The following TENM2 variants were observed in gnomAD, a reference collection of about 807,000 sequenced individuals.
The protein encoded by TENM2 is teneurin-2.
TENM2 carries 52 observed loss-of-function variants against 245.2 expected under a neutral mutation model. That is an observed-to-expected ratio of 0.21 (90% CI 0.17 to 0.27). The LOEUF is 0.27. Ranked by LOEUF, TENM2 falls within the 10% of genes least tolerant of loss-of-function variation. The pLI, the probability that TENM2 is intolerant of heterozygous loss-of-function variation, is 1.00. For missense variants in TENM2, 3,046 were observed against 3,666.8 expected, an observed-to-expected ratio of 0.83 and a Z score of 4.37; for synonymous variants, 1,363 against 1,438.9, an observed-to-expected ratio of 0.95 and a Z score of 1.19.
chr5:167,995,729 G>A (rs945450632), intron 5 of TENM2, among the ~76,000 whole-genome samples: 5 of 152,194 alleles, frequency 3.3e-5, no homozygotes, highest in East Asian at 1.9e-4. Context: ...CAGAAGTATG[G>A]TGAGGATTAA....
chr5:167,364,760 G>T (rs1759939157), intron 1 of TENM2, among the ~76,000 whole-genome samples: 1 of 151,788 alleles, frequency 6.6e-6, no homozygotes, highest in South Asian at 2.1e-4. Context: ...TTATTCTAGG[G>T]ATATAAAAGT....
chr5:167,954,534 G>T (rs1780388505), intron 4 of TENM2, among the ~76,000 whole-genome samples: 1 of 152,144 alleles, frequency 6.6e-6, no homozygotes, highest in Non-Finnish European at 1.5e-5. Context: ...CGTTACATAG[G>T]TATAAACATG....
chr5:167,943,667 T>A (rs940093803), intron 3 of TENM2, among the ~76,000 whole-genome samples: 1 of 152,184 alleles, frequency 6.6e-6, no homozygotes, highest in African/African-American at 2.4e-5. Context: ...GGGAAAGTGA[T>A]AATGCTGCTC....
chr5:168,195,074 C>T (rs569068994), intron 14 of TENM2, 102 bp from the exon 17 acceptor site: 77 of 1,390,310 alleles, frequency 5.5e-5, no homozygotes, highest in Non-Finnish European at 7.4e-5. Flanking sequence ...AAGCCTTCTC[C>T]TTGCCTGAGG....
intron 1 of TENM2, among the ~76,000 whole-genome samples, chr5:167,298,785 T>A (rs766586602): frequency 1.7e-4 from 26 of 152,138 alleles, no homozygotes; most frequent in Non-Finnish European, 3.1e-4. Context: ...AGAGTGGCAG[T>A]TTGGGGATAG....
chr5:167,693,245 A>T (rs940133035), intron 2 of TENM2, among the ~76,000 whole-genome samples: 2 of 152,100 alleles, frequency 1.3e-5, no homozygotes, highest in Non-Finnish European at 2.9e-5. Context: ...ATCTCCAAAG[A>T]CTAAGAAATC....
Position 168,001,304 on chromosome 5 carries a change from C to T in TENM2, c.1186+8122C>T, listed in dbSNP as rs189847735. Among the ~76,000 whole-genome samples, 16 of 152,292 alleles carry T rather than the reference C, an allele frequency of 1.1e-4. 1 individual carries two copies. In the East Asian group the frequency reaches 2.9e-3, roughly 28 times the overall value. ...CCCTCTAGCAGGAATCTGTGATTCCCTGAAATCGAGAGAACTGACTGAGAG... is the reference window on the plus strand; with the variant it reads ...CCCTCTAGCAGGAATCTGTGATTCCTTGAAATCGAGAGAACTGACTGAGAG... On this transcript the variant is annotated intron_variant, in intron 5 of 28. Transcript: ENST00000518659.
At chr5:167,412,114 C>A (rs978014602) in intron 2 of TENM2, among the ~76,000 whole-genome samples, 2 of 152,120 alleles carry the variant, frequency 1.3e-5, no homozygotes, top group East Asian at 1.9e-4. Flanking sequence ...TTGCTTAACT[C>A]TAGCAGACCA....
chr5:167,180,073 C>T, the TENM2 span, among the ~76,000 whole-genome samples: 1 of 150,196 alleles, frequency 6.7e-6, no homozygotes, highest in Admixed American at 6.6e-5. Context: ...CCTTCCGTTC[C>T]TCTCCAGCCC....
intron 2 of TENM2, among the ~76,000 whole-genome samples, chr5:167,778,082 T>C (rs1763935499): frequency 6.6e-6 from 1 of 152,220 alleles, no homozygotes; most frequent in African/African-American, 2.4e-5. Context: ...ATTTGCTATC[T>C]AGCCTTTTAT....
chr5:167,447,179 C>T (rs370265282), intron 2 of TENM2, among the ~76,000 whole-genome samples: 2 of 152,098 alleles, frequency 1.3e-5, no homozygotes, highest in Admixed American at 6.5e-5. Context: ...AGCCTCAGAG[C>T]CTCCCTCAGC....
At chr5:167,467,052 C>T (rs1766705029) in intron 2 of TENM2, among the ~76,000 whole-genome samples, 1 of 152,108 alleles carries the variant, frequency 6.6e-6, no homozygotes, top group African/African-American at 2.4e-5. Flanking sequence ...TAAACTTGGT[C>T]CTTAAAGCTA....
intron 13 of TENM2, among the ~76,000 whole-genome samples, chr5:168,169,847 G>A (rs997871219): frequency 1.3e-5 from 2 of 152,208 alleles, no homozygotes; most frequent in Non-Finnish European, 2.9e-5. Flanking sequence ...TATTAATTGG[G>A]TTGGATGAGG....
chr5:168,234,562 C>T (rs888191622), intron 25 of TENM2, among the ~76,000 whole-genome samples: 1 of 152,092 alleles, frequency 6.6e-6, no homozygotes, highest in African/African-American at 2.4e-5. Context: ...AACTCCTGGC[C>T]CTGAGGATCT....
At chr5:167,760,441 G>T (rs1266831160) in intron 2 of TENM2, among the ~76,000 whole-genome samples, 1 of 152,122 alleles carries the variant, frequency 6.6e-6, no homozygotes, top group East Asian at 1.9e-4. Flanking sequence ...TTAGACTTAG[G>T]CCCTAACATC....
rs140515895 is a variant in TENM2, at chr5:167,673,225, C to A, written c.503-202761C>A. On this transcript the variant is annotated intron_variant, in intron 2 of 28. Transcript: ENST00000518659. ...TATTTAAAATCTTTCAGGTTTGGGG[C>A]GATGGAAAATGTCTGCTGTGTATTG... 1.3e-5 allele frequency among the ~76,000 whole-genome samples: 2 copies of A among 151,904 alleles called. 1 individual carries two copies. The highest frequency in any genetic ancestry group is 3.9e-4 in the East Asian group (2 of 5,182).
At chr5:167,060,508 A>C in the TENM2 span, among the ~76,000 whole-genome samples, 1 of 151,906 alleles carries the variant, frequency 6.6e-6, no homozygotes, top group East Asian at 2.0e-4. Flanking sequence ...AAAATTAGCC[A>C]GGCATGGTGG....
chr5:167,832,619 G>T (rs1768606478), intron 2 of TENM2, among the ~76,000 whole-genome samples: 1 of 152,004 alleles, frequency 6.6e-6, no homozygotes, highest in South Asian at 2.1e-4. Flanking sequence ...ATGGATAGAG[G>T]GATGGAAGAA....
At chr5:167,398,370 C>T (rs1762176021) in intron 2 of TENM2, among the ~76,000 whole-genome samples, 1 of 101,106 alleles carries the variant, frequency 9.9e-6, no homozygotes, top group African/African-American at 5.0e-5. Flanking sequence ...TCTTTCCTTT[C>T]TTTCTTCCTT....
Sources: allele counts gnomAD v4.1 joint callset (sites outside exome capture counted in the v4.1 genomes callset), GRCh38; gene constraint gnomAD v4.1.1; transcripts MANE v1.5; gene names NCBI Gene and HGNC (gene_info 2026-07-23, HGNC 2026-07-21).